The following NRXN1 variants were observed in gnomAD, a reference collection of about 807,000 sequenced individuals.
NRXN1 encodes the protein neurexin 1.
A neutral mutation model predicts 150.9 loss-of-function variants in NRXN1; 39 were observed. That is an observed-to-expected ratio of 0.26 (90% CI 0.20 to 0.34). NRXN1 has a LOEUF of 0.34. Among genes scored for constraint, NRXN1 ranks in the 10% least tolerant of loss-of-function variants. The pLI, the probability that NRXN1 is intolerant of heterozygous loss-of-function variation, is 1.00. For synonymous variants in NRXN1, 924 were observed against 757.0 expected (o/e 1.22, Z -3.62); for missense variants, 1,815 against 1,949.9 (o/e 0.93, Z 1.30).
At chr2:50,327,565 A>T (rs1018897806) in intron 17 of NRXN1, among the ~76,000 whole-genome samples, 5 of 152,184 alleles carry the variant, frequency 3.3e-5, no homozygotes, top group Non-Finnish European at 7.3e-5. Flanking sequence ...TAGAAGTCAA[A>T]ACCAAAGAAA....
chr2:50,834,577 G>C (rs1269861299), intron 5 of NRXN1, among the ~76,000 whole-genome samples: 1 of 152,022 alleles, frequency 6.6e-6, no homozygotes, highest in Non-Finnish European at 1.5e-5. Flanking sequence ...AGAATAATTG[G>C]TACGTGATCT....
chr2:50,782,459 A>G (rs999027526), intron 5 of NRXN1, among the ~76,000 whole-genome samples: 1 of 151,018 alleles, frequency 6.6e-6, no homozygotes, highest in African/African-American at 2.4e-5. Context: ...ACACAACGAG[A>G]CTCTGTCTCA....
intron 17 of NRXN1, among the ~76,000 whole-genome samples, chr2:50,425,731 T>C (rs968850264): frequency 6.6e-6 from 1 of 152,154 alleles, no homozygotes; most frequent in African/African-American, 2.4e-5. Context: ...CTTGTGAGTT[T>C]GATCTAAGGG....
At chr2:50,390,590 A>T (rs1214746367) in intron 17 of NRXN1, among the ~76,000 whole-genome samples, 1 of 152,164 alleles carries the variant, frequency 6.6e-6, no homozygotes, top group African/African-American at 2.4e-5. Context: ...TAGAAACTTA[A>T]TCTCCCATGC....
intron 5 of NRXN1, among the ~76,000 whole-genome samples, chr2:50,642,047 T>C (rs1451444966): frequency 6.6e-6 from 1 of 152,152 alleles, no homozygotes; most frequent in Non-Finnish European, 1.5e-5. Flanking sequence ...GGATAAAATA[T>C]ATTTTTAATT....
chr2:50,174,196 A>G (rs1335757897), intron 18 of NRXN1, among the ~76,000 whole-genome samples: 1 of 152,140 alleles, frequency 6.6e-6, no homozygotes, highest in Non-Finnish European at 1.5e-5. Context: ...TTTTTAAAAA[A>G]TACAAAAAAG....
chr2:50,581,939 T>C (rs2103662216), intron 8 of NRXN1, among the ~76,000 whole-genome samples: 1 of 152,152 alleles, frequency 6.6e-6, no homozygotes, highest in East Asian at 1.9e-4. Flanking sequence ...ATCTTAAAAA[T>C]GTTAAAAAAG....
At chr2:50,506,941 A>G (rs1025878236) in intron 12 of NRXN1, 4 of 224,252 alleles carry the variant, frequency 1.8e-5, no homozygotes, top group African/African-American at 9.0e-5. Context: ...GGCACAGTCA[A>G]TACAGCACTG....
intron 21 of NRXN1, among the ~76,000 whole-genome samples, chr2:50,019,964 AAAAAAAAAAGAGAG>A (rs1484720411): frequency 1.7e-4 from 22 of 129,866 alleles, no homozygotes; most frequent in Admixed American, 4.6e-4. Flanking sequence ...AAAAAAAAAA[AAAAAAAAAAGAGAG>A]AGAGAGAGAC....
At chr2:50,899,432 AC>A in intron 5 of NRXN1, among the ~76,000 whole-genome samples, 1 of 152,208 alleles carries the variant, frequency 6.6e-6, no homozygotes, top group East Asian at 1.9e-4. Flanking sequence ...AATTTTAGGG[AC>A]ACCCTCTGCC....
At chr2:50,864,056 G>A (rs778826398) in intron 5 of NRXN1, among the ~76,000 whole-genome samples, 1 of 152,012 alleles carries the variant, frequency 6.6e-6, no homozygotes, top group Non-Finnish European at 1.5e-5. Context: ...AGTCTCCGCT[G>A]TGCAGAGATT....
At chr2:50,634,379 C>T (rs1682914977) in intron 5 of NRXN1, among the ~76,000 whole-genome samples, 2 of 152,192 alleles carry the variant, frequency 1.3e-5, no homozygotes, top group East Asian at 3.9e-4. Flanking sequence ...AAATAATCAC[C>T]TTAAAGTCTT....
At chr2:50,853,268 A>G (rs927312078) in intron 5 of NRXN1, among the ~76,000 whole-genome samples, 1 of 152,130 alleles carries the variant, frequency 6.6e-6, no homozygotes, top group South Asian at 2.1e-4. Context: ...GTAGGATACC[A>G]GTGAGGATTT....
At chr2:50,336,841 G>T (rs2077220486) in intron 17 of NRXN1, among the ~76,000 whole-genome samples, 1 of 152,146 alleles carries the variant, frequency 6.6e-6, no homozygotes, top group Admixed American at 6.6e-5. Flanking sequence ...TCGATGCCCT[G>T]TGTACTTAAG....
chr2:50,934,399 G>A (rs1688217285), intron 2 of NRXN1, among the ~76,000 whole-genome samples: 2 of 151,928 alleles, frequency 1.3e-5, no homozygotes, highest in African/African-American at 4.8e-5. Flanking sequence ...CTTTGTATCT[G>A]TTATTTCAAT....
chr2:50,623,676 C>G, intron 5 of NRXN1, 61 bp from the exon 6 acceptor site: 1 of 1,234,464 alleles, frequency 8.1e-7, no homozygotes, highest in Non-Finnish European at 1.1e-6. Context: ...ATCAGCAGGT[C>G]TTAACAGAAA....
intron 5 of NRXN1, among the ~76,000 whole-genome samples, chr2:50,871,978 T>C (rs988180679): frequency 4.0e-5 from 6 of 151,856 alleles, no homozygotes; most frequent in African/African-American, 1.4e-4. Flanking sequence ...GTAATAAAAC[T>C]ACTTCATTTT....
intron 17 of NRXN1, among the ~76,000 whole-genome samples, chr2:50,293,538 C>T (rs953476036): frequency 1.2e-4 from 18 of 152,238 alleles, no homozygotes; most frequent in South Asian, 1.0e-3. Flanking sequence ...AATACTGCTT[C>T]GTAGATCCCT....
At chr2:51,026,309 A>G in intron 2 of NRXN1, 2 of 1,079,664 alleles carry the variant, frequency 1.9e-6, no homozygotes, top group Admixed American at 4.0e-5. Flanking sequence ...TAAGCTATCT[A>G]CTTTAAATCC....
Sources: allele counts gnomAD v4.1 joint callset (sites outside exome capture counted in the v4.1 genomes callset), GRCh38; gene constraint gnomAD v4.1.1; transcripts MANE v1.5; gene names NCBI Gene and HGNC (gene_info 2026-07-23, HGNC 2026-07-21).